Variants in CTNNA2 observed in about 807,000 individuals in gnomAD.
The protein encoded by CTNNA2 is catenin alpha-2.
In CTNNA2, 42 loss-of-function variants were observed where a neutral mutation model predicts 101.0. That is an observed-to-expected ratio of 0.42 (90% confidence interval 0.32 to 0.54). The LOEUF (loss-of-function observed/expected upper bound fraction) is 0.54, where lower values mean the gene tolerates loss of function less well. CTNNA2 is among the 20% of genes least tolerant of loss of function. CTNNA2 has a pLI of 0.14. For missense variants in CTNNA2, 871 were observed against 1,223.1 expected (o/e 0.71, Z 4.29); for synonymous variants, 450 against 456.4 (o/e 0.99, Z 0.18).
At chr2:79,290,550 A>T (rs536344677) in intron 2 of CTNNA2, among the ~76,000 whole-genome samples, 50 of 152,246 alleles carry the variant, frequency 3.3e-4, no homozygotes, top group Middle Eastern at 3.4e-3. Flanking sequence ...TAGCAAACAG[A>T]GACACAAGTG....
At chr2:79,642,361 T>C (rs1680505775) in intron 1 of CTNNA2, among the ~76,000 whole-genome samples, 1 of 152,190 alleles carries the variant, frequency 6.6e-6, no homozygotes, top group African/African-American at 2.4e-5. Context: ...TAGCAAAAAC[T>C]ACTTAGACAT....
At chr2:80,231,329 A>G (rs1709197982) in intron 7 of CTNNA2, among the ~76,000 whole-genome samples, 1 of 152,140 alleles carries the variant, frequency 6.6e-6, no homozygotes, top group Non-Finnish European at 1.5e-5. Flanking sequence ...CAGCTCAGTC[A>G]CAGTGGTTCA....
At chr2:79,295,137 A>G (rs550607394) in intron 2 of CTNNA2, among the ~76,000 whole-genome samples, 1 of 152,146 alleles carries the variant, frequency 6.6e-6, no homozygotes, top group East Asian at 1.9e-4. Flanking sequence ...ACTTTGTTTC[A>G]CATTCTGTGA....
At chr2:79,822,712 C>T (rs142792298) in intron 3 of CTNNA2, among the ~76,000 whole-genome samples, 116 of 152,230 alleles carry the variant, frequency 7.6e-4, no homozygotes, top group African/African-American at 2.4e-3. Flanking sequence ...CCTCCCTGGC[C>T]GCTAGTGGCC....
At chr2:79,326,096 A>G (rs1015893131) in intron 3 of CTNNA2, among the ~76,000 whole-genome samples, 1 of 152,168 alleles carries the variant, frequency 6.6e-6, no homozygotes, top group Admixed American at 6.5e-5. Flanking sequence ...TTGTTCTTTC[A>G]TTAGTTCATC....
chr2:79,568,467 G>T (rs911216325), intron 1 of CTNNA2, among the ~76,000 whole-genome samples: 3 of 151,804 alleles, frequency 2.0e-5, no homozygotes, highest in Non-Finnish European at 4.4e-5. Flanking sequence ...GCCAGTAGTG[G>T]TGGCACGTGC....
At chr2:79,572,764 A>G (rs1440554856) in intron 1 of CTNNA2, among the ~76,000 whole-genome samples, 1 of 152,212 alleles carries the variant, frequency 6.6e-6, no homozygotes, top group African/African-American at 2.4e-5. Flanking sequence ...AAAACAAAAA[A>G]TTATAAGGCC....
intron 2 of CTNNA2, among the ~76,000 whole-genome samples, chr2:79,707,336 C>T (rs1685449939): frequency 2.0e-5 from 3 of 152,128 alleles, no homozygotes. Context: ...GTAATATACA[C>T]AGTGTAATTA....
intron 4 of CTNNA2, among the ~76,000 whole-genome samples, chr2:79,468,734 A>G (rs925057067): frequency 6.6e-6 from 1 of 152,182 alleles, no homozygotes; most frequent in Non-Finnish European, 1.5e-5. Flanking sequence ...CGCACTCAAA[A>G]CCACTCAACT....
At chr2:79,779,234 TG>T (rs1351516903) in intron 3 of CTNNA2, among the ~76,000 whole-genome samples, 2 of 152,118 alleles carry the variant, frequency 1.3e-5, no homozygotes, top group East Asian at 3.9e-4. Flanking sequence ...AGAAAACTTC[TG>T]GGGTGATTTT....
intron 18 of CTNNA2, among the ~76,000 whole-genome samples, chr2:80,620,421 A>T (rs1670998186): frequency 6.6e-6 from 1 of 151,922 alleles, no homozygotes; most frequent in Admixed American, 6.6e-5. Flanking sequence ...ATTTAAAAGC[A>T]CTACAGCTGA....
At chr2:79,261,799 A>G (rs1009261321) in intron 2 of CTNNA2, among the ~76,000 whole-genome samples, 3 of 152,252 alleles carry the variant, frequency 2.0e-5, no homozygotes, top group African/African-American at 7.2e-5. Flanking sequence ...ATTTACAAGT[A>G]ACACAATTCA....
intron 7 of CTNNA2, among the ~76,000 whole-genome samples, chr2:79,919,864 C>G (rs938330827): frequency 9.9e-5 from 15 of 152,154 alleles, no homozygotes; most frequent in African/African-American, 3.6e-4. Flanking sequence ...TTGTTACACT[C>G]TAAGAACTGA....
intron 7 of CTNNA2, among the ~76,000 whole-genome samples, chr2:80,075,267 C>T (rs967828170): frequency 6.6e-6 from 1 of 152,028 alleles, no homozygotes; most frequent in Non-Finnish European, 1.5e-5. Context: ...GATGTTAGGG[C>T]AAAGTGGCTT....
At position 79,467,344 on chromosome 2, in the gene CTNNA2, A is replaced by G. The variant is rs185259564; in HGVS notation, c.-134-37710A>G. 2.0e-5 allele frequency among the ~76,000 whole-genome samples: 3 copies of G among 152,344 alleles called. No individual in the cohort carries two copies. The East Asian group carries it at 5.8e-4, about 29-fold the overall frequency. ...TTTAGAGAAAAAAGAGAAAAAAGAA[A>G]GAAACAAAACTTCCAAGAAATTTGG... On this transcript the variant is annotated intron_variant, in intron 4 of 21. Transcript: ENST00000466387.
intron 12 of CTNNA2, 66 bp from the exon 13 acceptor site, chr2:80,574,097 A>C: frequency 6.5e-7 from 1 of 1,537,414 alleles, no homozygotes; most frequent in East Asian, 2.3e-5. Context: ...CACTTCGCCC[A>C]AGAGCTGGAA....
intron 4 of CTNNA2, among the ~76,000 whole-genome samples, chr2:79,409,159 T>C (rs1394058359): frequency 2.6e-5 from 4 of 152,208 alleles, no homozygotes; most frequent in Admixed American, 2.0e-4. Context: ...TGTTTCTTTC[T>C]TGTAAATTTG....
intron 7 of CTNNA2, among the ~76,000 whole-genome samples, chr2:80,341,160 T>A (rs190180142): frequency 5.9e-5 from 9 of 151,786 alleles, no homozygotes; most frequent in South Asian, 4.2e-4. Flanking sequence ...GTTTAGAGAT[T>A]TTTTTTTAAT....
intron 4 of CTNNA2, among the ~76,000 whole-genome samples, chr2:79,374,774 T>C (rs1046313556): frequency 4.6e-4 from 68 of 148,146 alleles, no homozygotes; most frequent in Admixed American, 1.4e-4. Flanking sequence ...AGATTTTTTT[T>C]CCTCCCATCA....
Sources: gnomAD v4.1 joint callset for allele counts (sites outside exome capture counted in the v4.1 genomes callset) on GRCh38, gnomAD v4.1.1 for gene constraint, MANE v1.5 for transcripts, NCBI Gene and HGNC (gene_info 2026-07-23, HGNC 2026-07-21) for gene names.